Variants in SLC24A3 observed in about 807,000 individuals in gnomAD.
SLC24A3 encodes the protein solute carrier family 24 member 3, also known as sodium/potassium/calcium exchanger 3.
Under a neutral mutation model 75.8 loss-of-function variants are expected in SLC24A3, and 28 were observed. The ratio of observed to expected loss-of-function variants is 0.37; its 90% CI spans 0.27 to 0.51. The LOEUF is 0.51. Ranked by LOEUF, SLC24A3 falls within the 20% of genes least tolerant of loss-of-function variation. The pLI, the probability that SLC24A3 is intolerant of heterozygous loss-of-function variation, is 0.94. For missense variants in SLC24A3, 663 were observed against 847.8 expected (o/e 0.78, Z 2.71); for synonymous variants, 372 against 334.1 (o/e 1.11, Z -1.24).
chr20:19,702,877 T>C (rs2032890348), intron 15 of SLC24A3, among the ~76,000 whole-genome samples: 1 of 152,246 alleles, frequency 6.6e-6, no homozygotes, highest in African/African-American at 2.4e-5. Context: ...GAAAAATTTC[T>C]GGTTAGCTTA....
At chr20:19,714,776 C>T (rs1480195020) in intron 15 of SLC24A3, among the ~76,000 whole-genome samples, 1 of 152,190 alleles carries the variant, frequency 6.6e-6, no homozygotes. Flanking sequence ...CACTGTTCTT[C>T]GAGATTTCAT....
chr20:19,541,556 C>T (rs1199002131), intron 3 of SLC24A3, among the ~76,000 whole-genome samples: 1 of 152,196 alleles, frequency 6.6e-6, no homozygotes, highest in African/African-American at 2.4e-5. Flanking sequence ...CCCGCGCCCT[C>T]CGCCCCCATC....
chr20:19,454,442 A>G (rs1223669447), intron 2 of SLC24A3, among the ~76,000 whole-genome samples: 1 of 152,184 alleles, frequency 6.6e-6, no homozygotes, highest in Admixed American at 6.5e-5. Context: ...TTATGCTATC[A>G]TTTTAGGCCA....
At chr20:19,616,464 A>T (rs770525752) in intron 6 of SLC24A3, among the ~76,000 whole-genome samples, 1 of 152,166 alleles carries the variant, frequency 6.6e-6, no homozygotes, top group Non-Finnish European at 1.5e-5. Context: ...AGGGGACAAC[A>T]TGTTAGGGGA....
rs533073243 is a variant in SLC24A3, at chr20:19,424,888, A to G, written c.272-90600A>G. Among the ~76,000 whole-genome samples, 19 of 152,186 alleles carry G rather than the reference A, an allele frequency of 1.2e-4. No individual in the cohort carries two copies. In the South Asian group the frequency reaches 3.9e-3, roughly 32 times the overall value. On this transcript the variant is annotated intron_variant, in intron 2 of 16. Transcript: ENST00000328041. Reference sequence around the variant, plus strand: ...GAACGTATTATTTGACACTCATTCTATAGTTAAATTTTCTGAATTATCCCA... The same window carrying G: ...GAACGTATTATTTGACACTCATTCTGTAGTTAAATTTTCTGAATTATCCCA...
At chr20:19,467,694 A>C (rs1422498444) in intron 2 of SLC24A3, among the ~76,000 whole-genome samples, 42 of 152,250 alleles carry the variant, frequency 2.8e-4, no homozygotes, top group Admixed American at 2.7e-3. Context: ...CAGCCTGGCC[A>C]ACATGGTGAA....
intron 3 of SLC24A3, among the ~76,000 whole-genome samples, chr20:19,561,229 T>C (rs1453694699): frequency 6.6e-6 from 1 of 152,224 alleles, no homozygotes; most frequent in Non-Finnish European, 1.5e-5. Context: ...TGGCTCTGTC[T>C]TCTCCACTGG....
At chr20:19,442,959 A>G (rs1414908947) in intron 2 of SLC24A3, among the ~76,000 whole-genome samples, 2 of 152,098 alleles carry the variant, frequency 1.3e-5, no homozygotes, top group Non-Finnish European at 2.9e-5. Context: ...TCTTTTCTCT[A>G]TTGCATTGCC....
At chr20:19,444,700 G>A (rs1049191950) in intron 2 of SLC24A3, among the ~76,000 whole-genome samples, 3 of 151,950 alleles carry the variant, frequency 2.0e-5, no homozygotes, top group African/African-American at 7.2e-5. Context: ...AGTAATTTGT[G>A]TCTTCTTTTA....
chr20:19,389,758 T>G (rs936668226), intron 2 of SLC24A3, among the ~76,000 whole-genome samples: 1 of 152,246 alleles, frequency 6.6e-6, no homozygotes, highest in Non-Finnish European at 1.5e-5. Context: ...TTTATATATC[T>G]GAATATTAAC....
At chr20:19,719,001 A>G (rs1277153725) in intron 16 of SLC24A3, among the ~76,000 whole-genome samples, 3 of 116,760 alleles carry the variant, frequency 2.6e-5, no homozygotes, top group Admixed American at 1.8e-4. Context: ...ACACCAAAAG[A>G]AACAGAGAAG....
chr20:19,369,157 T>C (rs1985947144), intron 2 of SLC24A3, among the ~76,000 whole-genome samples: 1 of 152,188 alleles, frequency 6.6e-6, no homozygotes, highest in Non-Finnish European at 1.5e-5. Flanking sequence ...TACTTATAAA[T>C]TGTAAAGGAA....
Position 19,515,511 on chromosome 20 carries a change from A to G in SLC24A3, c.295A>G (p.Ile99Val). ...AGCCCTGCATGAATTCCCCAATGAC[A>G]TCTTCACAAACGAGGATAGAAGACA... ...EPALHEFPNDIFTNEDRRQGA... is the reference protein window; with the variant it reads ...EPALHEFPNDVFTNEDRRQGA... The change falls in exon 3 of 17, where the codon ATC becomes GTC. Residue 99 changes from isoleucine to valine, a missense_variant. Physicochemically the swap from Ile to Val is conservative, Grantham distance 29. Around this residue, in one of 2 missense-constraint regions of SLC24A3, gnomAD observed 153 missense variants for 144.2 expected, o/e 1.06. Coordinates refer to ENST00000328041, the MANE Select transcript of SLC24A3 (RefSeq NM_020689.4). 1 of 1,614,154 alleles carries G rather than the reference A, an allele frequency of 6.2e-7. No homozygotes were observed. The highest frequency in any genetic ancestry group is 8.5e-7 in the Non-Finnish European group (1 of 1,180,014).
chr20:19,397,573 C>T (rs1376004101), intron 2 of SLC24A3, among the ~76,000 whole-genome samples: 1 of 150,546 alleles, frequency 6.6e-6, no homozygotes, highest in Admixed American at 6.6e-5. Context: ...TCTCTTATTT[C>T]ATTTTGCCTT....
At chr20:19,426,040 G>T (rs966388773) in intron 2 of SLC24A3, among the ~76,000 whole-genome samples, 3 of 152,212 alleles carry the variant, frequency 2.0e-5, no homozygotes, top group Admixed American at 6.5e-5. Context: ...TGTGCTAACT[G>T]TGCTTTATTG....
chr20:19,431,497 A>G (rs1055580039), intron 2 of SLC24A3, among the ~76,000 whole-genome samples: 8 of 152,226 alleles, frequency 5.3e-5, no homozygotes, highest in Middle Eastern at 3.4e-3. Context: ...CAGCCGCTCC[A>G]TGGGGCCGTG....
At chr20:19,462,024 A>C (rs1449617339) in intron 2 of SLC24A3, among the ~76,000 whole-genome samples, 1 of 152,004 alleles carries the variant, frequency 6.6e-6, no homozygotes, top group Non-Finnish European at 1.5e-5. Flanking sequence ...TCCAACTTTT[A>C]TTTTAGGTTC....
intron 2 of SLC24A3, among the ~76,000 whole-genome samples, chr20:19,418,439 A>G (rs539404115): frequency 5.8e-4 from 89 of 152,216 alleles, no homozygotes; most frequent in South Asian, 4.1e-3. Context: ...ATAAAACTAC[A>G]ATGGATGGAA....
At chr20:19,698,247 C>T (rs1171223493) in intron 14 of SLC24A3, among the ~76,000 whole-genome samples, 3 of 152,230 alleles carry the variant, frequency 2.0e-5, no homozygotes, top group Admixed American at 1.3e-4. Context: ...CGCCAAGCCT[C>T]ACCTCCAACA....
Sources: gnomAD v4.1 joint callset for allele counts (sites outside exome capture counted in the v4.1 genomes callset) on GRCh38, gnomAD v4.1.1 for gene constraint, gnomAD v4.1.1 regional missense constraint, MANE v1.5 for transcripts, NCBI Gene and HGNC (gene_info 2026-07-23, HGNC 2026-07-21) for gene names.